CAGE1: variants seen among roughly 807,000 people sequenced by gnomAD.
CAGE1 encodes cancer antigen 1.
In CAGE1, 66 loss-of-function variants were observed where a neutral mutation model predicts 94.9. The observed-to-expected ratio is 0.70, with a 90% confidence interval of 0.57 to 0.85. CAGE1 has a LOEUF of 0.85. Among genes scored for constraint, CAGE1 ranks in the 40% least tolerant of loss-of-function variants. The pLI, the probability that CAGE1 is intolerant of heterozygous loss-of-function variation, is 0.00. For missense variants in CAGE1, 865 were observed against 950.4 expected (o/e 0.91, Z 1.18); for synonymous variants, 319 against 321.0 (o/e 0.99, Z 0.07).
chr6:7,335,963 AT>A (rs1301651449), intron 11 of CAGE1, among the ~76,000 whole-genome samples: 2 of 152,326 alleles, frequency 1.3e-5, no homozygotes, highest in South Asian at 2.1e-4. Flanking sequence ...TTTAAAAAAA[AT>A]GTGTTAAATA....
chr6:7,369,914 A>C lies in CAGE1; in HGVS notation c.1893+5T>G, dbSNP rs555680197. ...CTAAAATATCTAATATATATGTTTT[A>C]TTACCTGGCATGTGAGAAGTCCCAC... is the stretch of plus-strand genomic sequence containing the variant. On this transcript the variant is annotated splice_donor_5th_base_variant and intron_variant, in intron 6 of 13. Transcript: ENST00000502583. 6.2e-7 allele frequency: 1 copy of C among 1,605,810 alleles called. No individual in the cohort carries two copies. Among genetic ancestry groups the C allele is most frequent in the East Asian group, 2.2e-5 (1 of 44,802 alleles).
chr6:7,333,440 T>G (rs1758822386), intron 12 of CAGE1, among the ~76,000 whole-genome samples: 1 of 152,090 alleles, frequency 6.6e-6, no homozygotes, highest in Non-Finnish European at 1.5e-5. Context: ...CTTTATAGTT[T>G]CTTCCTTAGA....
At chr6:7,358,055 T>TATATATATAG (rs1760035061) in intron 9 of CAGE1, among the ~76,000 whole-genome samples, 1 of 123,846 alleles carries the variant, frequency 8.1e-6, no homozygotes, top group South Asian at 2.8e-4. Context: ...TATATATATA[T>TATATATATAG]ATATATATAT....
chr6:7,388,086 C>T (rs1001820184), intron 1 of CAGE1, among the ~76,000 whole-genome samples: 1 of 151,588 alleles, frequency 6.6e-6, no homozygotes. Flanking sequence ...TTCTTTCCAT[C>T]CCATGTTGCC....
chr6:7,340,697 G>A (rs572846601), intron 11 of CAGE1, among the ~76,000 whole-genome samples: 4 of 152,258 alleles, frequency 2.6e-5, no homozygotes, highest in East Asian at 3.9e-4. Context: ...TTTCTTAGTT[G>A]CAGCACTGAC....
intron 11 of CAGE1, among the ~76,000 whole-genome samples, chr6:7,352,454 A>G (rs563566156): frequency 5.6e-4 from 86 of 152,340 alleles, no homozygotes; most frequent in Admixed American, 9.2e-4. Context: ...AATATTGTGA[A>G]AATGACCATA....
chr6:7,367,590 G>C (rs1425554670), intron 7 of CAGE1, among the ~76,000 whole-genome samples: 1 of 152,004 alleles, frequency 6.6e-6, no homozygotes, highest in Non-Finnish European at 1.5e-5. Context: ...TTGTATTTTT[G>C]TAACAACCTC....
chr6:7,355,227 G>A, intron 10 of CAGE1, 116 bp from the exon 11 acceptor site: 2 of 602,772 alleles, frequency 3.3e-6, no homozygotes, highest in Admixed American at 3.1e-5. Flanking sequence ...TTTCATAATA[G>A]GCAAAACACT....
intron 9 of CAGE1, among the ~76,000 whole-genome samples, chr6:7,361,097 C>T (rs987311760): frequency 2.0e-5 from 3 of 152,072 alleles, no homozygotes; most frequent in Non-Finnish European, 2.9e-5. Context: ...GTAGCTAGAA[C>T]GAAATGGAAA....
At chr6:7,387,748 G>C (rs935745012) in intron 1 of CAGE1, among the ~76,000 whole-genome samples, 1 of 151,792 alleles carries the variant, frequency 6.6e-6, no homozygotes, top group East Asian at 1.9e-4. Context: ...GGCCGAGCGC[G>C]GTGGCTCACG....
intron 4 of CAGE1, among the ~76,000 whole-genome samples, chr6:7,375,206 CA>C (rs1313729324): frequency 4.0e-5 from 6 of 151,546 alleles, no homozygotes; most frequent in Admixed American, 1.3e-4. Flanking sequence ...GTCAGGAGAT[CA>C]AGACCATCCT....
chr6:7,352,295 A>C (rs1406925676), intron 11 of CAGE1, among the ~76,000 whole-genome samples: 2 of 119,850 alleles, frequency 1.7e-5, no homozygotes, highest in African/African-American at 7.2e-5. Context: ...AGCTGCAAAA[A>C]AAAAAAAAAA....
In CAGE1 at chr6:7,362,895, C is replaced by T. The variant is rs952004135; in HGVS notation, c.2193+2573G>A. Among the ~76,000 whole-genome samples, 1 of 152,166 alleles carries T rather than the reference C, an allele frequency of 6.6e-6. No individual in the cohort carries two copies. Among genetic ancestry groups the T allele is most frequent in the East Asian group, 1.9e-4 (1 of 5,198 alleles). On this transcript the variant is annotated intron_variant, in intron 9 of 13. Transcript: ENST00000502583. This position sits in a 1 kb window ranked among gnomAD's most constrained non-coding sequence, Gnocchi z 4.1. The stretch of plus-strand genomic sequence containing the variant: ...CCCTGCCCCTACACCTACTATGCCA[C>T]CTTTTTGTTCTCCTGGAGTACTTTA...
At chr6:7,329,486 A>C (rs1489100789) in intron 13 of CAGE1, among the ~76,000 whole-genome samples, 1 of 152,176 alleles carries the variant, frequency 6.6e-6, no homozygotes, top group Non-Finnish European at 1.5e-5. Context: ...GAGGGGCATG[A>C]AAATATTTTG....
chr6:7,341,142 G>C (rs1357973620), intron 11 of CAGE1: 6 of 565,798 alleles, frequency 1.1e-5, no homozygotes, highest in South Asian at 7.5e-5. Context: ...CCCACAGCCG[G>C]TAGTTATTGG....
intron 3 of CAGE1, among the ~76,000 whole-genome samples, chr6:7,382,885 G>A (rs1760986684): frequency 6.6e-6 from 1 of 152,064 alleles, no homozygotes; most frequent in Admixed American, 6.5e-5. Context: ...ACTCCATCCT[G>A]GGTGACAGAG....
At chr6:7,345,515 C>G (rs888855576) in intron 11 of CAGE1, among the ~76,000 whole-genome samples, 3 of 152,078 alleles carry the variant, frequency 2.0e-5, no homozygotes, top group Non-Finnish European at 4.4e-5. Context: ...CAAGATCACT[C>G]TGGCTGCATA....
chr6:7,365,679 G>T, intron 8 of CAGE1, 104 bp from the exon 9 acceptor site: 1 of 1,406,968 alleles, frequency 7.1e-7, no homozygotes, highest in Non-Finnish European at 9.8e-7. Flanking sequence ...ATTATCAGTG[G>T]CTGGAATAAT....
intron 3 of CAGE1, among the ~76,000 whole-genome samples, chr6:7,384,786 C>T (rs1761058922): frequency 6.6e-6 from 1 of 151,954 alleles, no homozygotes; most frequent in Non-Finnish European, 1.5e-5. Context: ...GTGATCTCGG[C>T]TCACTGCAGT....
Sources: gnomAD v4.1 joint callset for allele counts (sites outside exome capture counted in the v4.1 genomes callset) on GRCh38, gnomAD v4.1.1 for gene constraint, Gnocchi (gnomAD v3.1) non-coding constraint, MANE v1.5 for transcripts, NCBI Gene and HGNC (gene_info 2026-07-23, HGNC 2026-07-21) for gene names.